Variants in PEX5 observed in about 807,000 individuals in gnomAD.
PEX5 encodes the protein PTS1 receptor.
A neutral mutation model predicts 82.9 loss-of-function variants in PEX5; 52 were observed. That is an observed-to-expected ratio of 0.63 (90% CI 0.50 to 0.79). PEX5 has a LOEUF of 0.79. Ranked by LOEUF, PEX5 falls within the 30% of genes least tolerant of loss-of-function variation. PEX5 has a pLI of 0.00. For synonymous variants in PEX5, 300 were observed against 318.8 expected, an observed-to-expected ratio of 0.94 and a Z score of 0.63; for missense variants, 719 against 815.2, an observed-to-expected ratio of 0.88 and a Z score of 1.44.
chr12:7,190,046 A>G (rs1348037796), intron 1 of PEX5: 1 of 1,502,668 alleles, frequency 6.7e-7, no homozygotes, highest in Non-Finnish European at 8.8e-7. Flanking sequence ...CTGGTTGTTG[A>G]AGCGTCCCCG....
chr12:7,206,851 T>C (rs1184619746), intron 10 of PEX5, among the ~76,000 whole-genome samples: 3 of 152,242 alleles, frequency 2.0e-5, no homozygotes, highest in Non-Finnish European at 4.4e-5. Context: ...TGATGGTAAC[T>C]ACTCTCCAAA....
rs1419640341 is a variant in PEX5, at chr12:7,203,499, C to A, written c.914C>A (p.Ala305Asp). The change falls in exon 10 of 16, where the codon GCC (alanine) becomes GAC (aspartate). Residue 305 changes from alanine (A) to aspartate (D), a missense_variant. Transcript: ENST00000675855. ...LEEMAKRDAE[A>D]HPWLSDYDDL... ...GAGATGGCAAAACGGGATGCTGAGG[C>A]CCACCCCTGGCTTTCTGACTATGAT... 6.2e-7 allele frequency: 1 copy of A among 1,613,768 alleles called. No individual in the cohort carries two copies. The highest frequency in any genetic ancestry group is 8.5e-7 in the Non-Finnish European group (1 of 1,179,848).
At chr12:7,207,988 G>GAATCTGTCAACTT in intron 11 of PEX5, 22 bp from the exon 12 acceptor site, 1 of 1,603,938 alleles carries the variant, frequency 6.2e-7, no homozygotes, top group Non-Finnish European at 8.5e-7. Flanking sequence ...TGGGGTGATG[G>GAATCTGTCAACTT]AATCTGTCAA....
In PEX5 at chr12:7,197,486, A is replaced by G. The variant is rs985480862; in HGVS notation, c.449-1525A>G. Among the ~76,000 whole-genome samples the G allele has an allele frequency of 5.6e-4, 78 of 139,880 alleles. 4 individuals are homozygous for G. In the East Asian group the frequency reaches 7.5e-3, roughly 13 times the overall value. The allele number at this position is 139,880 out of a possible 152,430, so 91.8% of individuals were successfully genotyped here. A position where few individuals can be genotyped will look rare whatever the true frequency, so the allele number is the denominator to read the frequency against. On this transcript the variant is annotated intron_variant, in intron 5 of 15. Transcript: ENST00000675855. ...AATTATATATGTTATATATAATATA[A>G]TAATTATATATGTTATATATAATGT...
Position 7,197,482 on chromosome 12 carries a change from TATA to T in PEX5, c.449-1523_449-1521del, listed in dbSNP as rs1351790477. On this transcript the variant is annotated intron_variant, in intron 5 of 15. Coordinates refer to ENST00000675855, the MANE Select transcript of PEX5 (RefSeq NM_001351132.2). ...TAATAATTATATATGTTATATATAA[TATA>T]ATAATTATATATGTTATATATAATG... is the stretch of plus-strand genomic sequence containing the variant. Among the ~76,000 whole-genome samples the T allele has an allele frequency of 5.8e-3, 815 of 141,616 alleles. 42 individuals carry two copies. Among genetic ancestry groups the T allele is most frequent in the East Asian group, 0.016 (80 of 5,034 alleles). 92.9% of individuals were successfully genotyped at this position (141,616 alleles called of 152,430 possible).
At chr12:7,214,132 A>G (rs1323225878), downstream of PEX5, among the ~76,000 whole-genome samples, 1 of 152,188 alleles carries the variant, frequency 6.6e-6, no homozygotes, top group African/African-American at 2.4e-5. Flanking sequence ...GTGGGACTGT[A>G]AACTAGTTCA....
chr12:7,200,750 C>T (rs756764860), intron 6 of PEX5, among the ~76,000 whole-genome samples: 1 of 151,834 alleles, frequency 6.6e-6, no homozygotes, highest in African/African-American at 2.4e-5. Context: ...ACCAGTCAGG[C>T]ATGGCGGCGC....
chr12:7,201,132 C>T (rs1449788424), intron 6 of PEX5, among the ~76,000 whole-genome samples: 10 of 129,900 alleles, frequency 7.7e-5, no homozygotes, highest in East Asian at 6.3e-4. Context: ...TGCATGTGTG[C>T]GTGCACACAC....
chr12:7,209,112 G>A lies in PEX5; in HGVS notation c.1502G>A (p.Ser501Asn). Residue 501 changes from serine to asparagine, a missense_variant, in exon 14 of 16, where the codon AGT becomes AAT. Transcript: ENST00000675855. ...GGCTTGGGAGTCCTTTTCAACCTGA[G>A]TGGGGAGTATGACAAGGCCGTGGAC... ...QCGLGVLFNLSGEYDKAVDCF... is the reference protein window; with the variant it reads ...QCGLGVLFNLNGEYDKAVDCF... 6.2e-7 allele frequency: 1 copy of A among 1,614,096 alleles called. No homozygotes were observed. The highest frequency in any genetic ancestry group is 8.5e-7 in the Non-Finnish European group (1 of 1,180,016).
chr12:7,203,844 G>A (rs1209878475), intron 10 of PEX5, among the ~76,000 whole-genome samples: 1 of 152,204 alleles, frequency 6.6e-6, no homozygotes, highest in Non-Finnish European at 1.5e-5. Flanking sequence ...AAGTAGCTCT[G>A]CTTGGAGGTC....
chr12:7,201,168 CATACACATAT>C (rs1943902272), intron 6 of PEX5, among the ~76,000 whole-genome samples: 4 of 49,690 alleles, frequency 8.0e-5, no homozygotes, highest in Admixed American at 3.8e-4. Context: ...TATATACACA[CATACACATAT>C]GTACACACGC....
Position 7,201,222 on chromosome 12 carries a change from T to C in PEX5, c.552-529T>C, listed in dbSNP as rs115104282. On this transcript the variant is annotated intron_variant, in intron 6 of 15. Coordinates refer to ENST00000675855, the MANE Select transcript of PEX5 (RefSeq NM_001351132.2). ...ACATACATGTGCACATACATGTATA[T>C]ACACACGTATACATATGTAAACATG... 4.4e-3 allele frequency among the ~76,000 whole-genome samples: 659 copies of C among 150,848 alleles called. 5 individuals are homozygous for C. The highest frequency in any genetic ancestry group is 0.015 in the African/African-American group (620 of 41,214).
intron 6 of PEX5, among the ~76,000 whole-genome samples, chr12:7,201,151 A>ACG (rs748398859): frequency 0.016 from 797 of 49,578 alleles, 11 homozygotes; most frequent in African/African-American, 0.036. Flanking sequence ...ACACACACGC[A>ACG]CACACATATA....
intron 2 of PEX5, 101 bp from the exon 3 acceptor site, chr12:7,190,787 T>A (rs976627800): frequency 9.7e-6 from 13 of 1,341,944 alleles, no homozygotes; most frequent in Non-Finnish European, 1.4e-5. Flanking sequence ...AATGCAACCA[T>A]TTTATAGATG....
Position 7,191,715 on chromosome 12 carries a change from G to A in PEX5, c.448+15G>A, listed in dbSNP as rs778578238. 3 of 1,611,448 alleles carry A rather than the reference G, an allele frequency of 1.9e-6. No homozygotes were observed. Among genetic ancestry groups the A allele is most frequent in the Non-Finnish European group, 1.7e-6 (2 of 1,177,744 alleles). ...TGAAGTTACAGGTGAAACTTGTTAT[G>A]GGAAAATCTATATTGGCTTCTATGG... On this transcript the variant is annotated intron_variant, in intron 5 of 15. Transcript: ENST00000675855.
intron 6 of PEX5, among the ~76,000 whole-genome samples, chr12:7,200,388 C>G (rs1342621264): frequency 6.6e-6 from 1 of 150,540 alleles, no homozygotes; most frequent in Admixed American, 6.6e-5. Flanking sequence ...CGGGCAGAGA[C>G]GCTCCTCACT....
intron 17 of PEX5, among the ~76,000 whole-genome samples, chr12:7,217,171 T>G (rs1180860530): frequency 6.6e-6 from 1 of 152,258 alleles, no homozygotes; most frequent in East Asian, 1.9e-4. Flanking sequence ...CAATTAAGAA[T>G]GTGTTCTCAT....
chr12:7,195,373 G>T (rs1941897950), intron 5 of PEX5, among the ~76,000 whole-genome samples: 1 of 152,144 alleles, frequency 6.6e-6, no homozygotes, highest in Non-Finnish European at 1.5e-5. Context: ...ATTTCTCAAA[G>T]ATTGTGAAGG....
chr12:7,203,185 ACTGCACTGCACTGCACTGCACTGCACTGC>A lies in PEX5; in HGVS notation c.847-246_847-218del, dbSNP rs1944340163. The stretch of plus-strand genomic sequence containing the variant: ...AACAAAAAACTAAACTAAACTATGC[ACTGCACTGCACTGCACTGCACTGCACTGC>A]ACTGCACTACATTACATTTCTGGCC... On this transcript the variant is annotated intron_variant, in intron 9 of 15. Coordinates refer to ENST00000675855, the MANE Select transcript of PEX5 (RefSeq NM_001351132.2). Among the ~76,000 whole-genome samples the A allele has an allele frequency of 3.2e-4, 25 of 79,290 alleles. 4 individuals carry two copies. Among genetic ancestry groups the A allele is most frequent in the Admixed American group, 8.0e-4 (4 of 4,996 alleles). The allele number at this position is 79,290 out of a possible 152,430, so 52.0% of individuals were successfully genotyped here.
Sources: gnomAD v4.1 joint callset for allele counts (sites outside exome capture counted in the v4.1 genomes callset) on GRCh38, gnomAD v4.1.1 for gene constraint, MANE v1.5 for transcripts, NCBI Gene and HGNC (gene_info 2026-07-23, HGNC 2026-07-21) for gene names.